Variants in EYS observed in about 807,000 individuals in gnomAD.
The protein encoded by EYS is EGF-like photoreceptor maintenance factor, also known as protein eyes shut homolog.
A neutral mutation model predicts 282.1 loss-of-function variants in EYS; 250 were observed. That is an observed-to-expected ratio of 0.89 (90% CI 0.80 to 0.98). The LOEUF (loss-of-function observed/expected upper bound fraction) is 0.98, where lower values mean the gene tolerates loss of function less well. Among genes scored for constraint, EYS ranks in the 50% least tolerant of loss-of-function variants. EYS has a pLI of 0.00. For missense variants in EYS, 4,016 were observed against 3,709.0 expected (o/e 1.08, Z -2.15); for synonymous variants, 1,355 against 1,282.9 (o/e 1.06, Z -1.20).
chr6:64,185,129 C>T (rs1246883878), intron 31 of EYS, among the ~76,000 whole-genome samples: 1 of 152,046 alleles, frequency 6.6e-6, no homozygotes, highest in African/African-American at 2.4e-5. Context: ...ACCAAATCTG[C>T]CAGTACCTTG....
chr6:65,415,830 A>C (rs441770), intron 5 of EYS, among the ~76,000 whole-genome samples: 13,299 of 152,106 alleles, frequency 0.087, 806 homozygotes, highest in East Asian at 0.19. Context: ...AAAAAAATGC[A>C]CACATTAGAA....
intron 36 of EYS, among the ~76,000 whole-genome samples, chr6:63,835,760 T>C (rs947298696): frequency 1.6e-4 from 25 of 152,014 alleles, no homozygotes; most frequent in Non-Finnish European, 2.9e-4. Flanking sequence ...ACTATAACAG[T>C]TTTAGAAATA....
chr6:65,166,084 A>G (rs1408977393), intron 12 of EYS, among the ~76,000 whole-genome samples: 1 of 151,224 alleles, frequency 6.6e-6, no homozygotes, highest in Non-Finnish European at 1.5e-5. Flanking sequence ...GAAAAAAGTT[A>G]AAGAAGATCT....
intron 5 of EYS, among the ~76,000 whole-genome samples, chr6:65,470,964 C>T (rs1765188404): frequency 6.6e-6 from 1 of 151,984 alleles, no homozygotes. Flanking sequence ...CAGTGAAACC[C>T]TGTCTCTACT....
intron 19 of EYS, among the ~76,000 whole-genome samples, chr6:64,861,247 A>C (rs1766227806): frequency 6.6e-6 from 1 of 152,166 alleles, no homozygotes; most frequent in Non-Finnish European, 1.5e-5. Context: ...GAGGGGGCTG[A>C]GGCGGCAGGG....
chr6:65,175,968 T>C lies in EYS; in HGVS notation c.2024-118241A>G, dbSNP rs1407475445. Among the ~76,000 whole-genome samples the C allele has an allele frequency of 1.8e-4, 27 of 151,632 alleles. 1 individual carries two copies. The highest frequency in any genetic ancestry group is 1.7e-3 in the Admixed American group (26 of 15,194). ...ATCATTAACAAATAAAAATTGCATA[T>C]ATTTCATATATGCTTTGATGTTTTG... On this transcript the variant is annotated intron_variant, in intron 12 of 42. Transcript: ENST00000503581.
chr6:65,662,564 T>C (rs997749756), intron 1 of EYS, among the ~76,000 whole-genome samples: 1 of 152,200 alleles, frequency 6.6e-6, no homozygotes, highest in Non-Finnish European at 1.5e-5. Context: ...CATAAAATTG[T>C]CTGTAAATGG....
chr6:65,436,502 C>T (rs1406467556), intron 5 of EYS, among the ~76,000 whole-genome samples: 3 of 152,116 alleles, frequency 2.0e-5, no homozygotes, highest in Non-Finnish European at 4.4e-5. Context: ...CTATTCAGTG[C>T]TTCCCAGCAT....
intron 12 of EYS, among the ~76,000 whole-genome samples, chr6:65,078,626 T>C (rs2150170290): frequency 6.6e-6 from 1 of 152,230 alleles, no homozygotes; most frequent in African/African-American, 2.4e-5. Context: ...CAATAATGCA[T>C]GCAAATCAAG....
intron 12 of EYS, among the ~76,000 whole-genome samples, chr6:65,158,046 G>A (rs1333886909): frequency 6.6e-6 from 1 of 150,634 alleles, no homozygotes; most frequent in African/African-American, 2.4e-5. Context: ...CTTATAAATT[G>A]CTTTAAGGGA....
At chr6:64,811,106 C>T (rs1412475139) in intron 22 of EYS, among the ~76,000 whole-genome samples, 1 of 152,056 alleles carries the variant, frequency 6.6e-6, no homozygotes, top group Non-Finnish European at 1.5e-5. Context: ...GCACTACCTT[C>T]TATCCTAGAA....
intron 41 of EYS, among the ~76,000 whole-genome samples, chr6:63,727,737 A>ATATATATATATATATATAT (rs1421811302): frequency 5.2e-4 from 19 of 36,722 alleles, no homozygotes; most frequent in African/African-American, 8.0e-4. Flanking sequence ...AAAAAAAAAA[A>ATATATATATATATATATAT]ATATATATAT....
chr6:64,165,154 A>G (rs975106663), intron 31 of EYS, among the ~76,000 whole-genome samples: 19 of 152,064 alleles, frequency 1.2e-4, no homozygotes, highest in Admixed American at 6.6e-5. Context: ...AGTTCTTTTT[A>G]TATCAATTAT....
At chr6:64,907,501 G>T (rs1248535768) in intron 16 of EYS, among the ~76,000 whole-genome samples, 1 of 152,096 alleles carries the variant, frequency 6.6e-6, no homozygotes, top group Non-Finnish European at 1.5e-5. Context: ...CATGAACTTA[G>T]TTAAGAAGTG....
At chr6:64,625,625 T>G (rs528450465) in intron 23 of EYS, among the ~76,000 whole-genome samples, 5 of 152,352 alleles carry the variant, frequency 3.3e-5, no homozygotes, top group African/African-American at 1.2e-4. Context: ...AATACTATAC[T>G]ATCGTATTGT....
intron 2 of EYS, among the ~76,000 whole-genome samples, chr6:65,497,725 G>A (rs995233843): frequency 6.6e-6 from 1 of 151,972 alleles, no homozygotes; most frequent in African/African-American, 2.4e-5. Flanking sequence ...TGGAAACTGC[G>A]ACTTCAAGCA....
chr6:65,565,546 C>G (rs936843896), intron 2 of EYS, among the ~76,000 whole-genome samples: 1 of 151,958 alleles, frequency 6.6e-6, no homozygotes, highest in Non-Finnish European at 1.5e-5. Context: ...GTGGCAATTC[C>G]TCAAGGATCT....
chr6:64,438,836 T>C (rs1016607590), intron 27 of EYS, among the ~76,000 whole-genome samples: 1 of 151,592 alleles, frequency 6.6e-6, no homozygotes, highest in African/African-American at 2.4e-5. Context: ...CCAGAAAAAA[T>C]AGAGACCTTT....
chr6:64,348,416 T>C (rs1047439003), intron 29 of EYS, among the ~76,000 whole-genome samples: 37 of 1,370 alleles, frequency 0.027, 1 homozygote, highest in Non-Finnish European at 0.014. Context: ...TGAGCTCAGT[T>C]CTTTTCTTTC....
Sources: allele counts gnomAD v4.1 joint callset (sites outside exome capture counted in the v4.1 genomes callset), GRCh38; gene constraint gnomAD v4.1.1; transcripts MANE v1.5; gene names NCBI Gene and HGNC (gene_info 2026-07-23, HGNC 2026-07-21).